SLC7A7: variants seen among roughly 807,000 people sequenced by gnomAD.
SLC7A7 encodes Y+L amino acid transporter 1.
SLC7A7 carries 39 observed loss-of-function variants against 47.9 expected under a neutral mutation model. That is an observed-to-expected ratio of 0.81 (90% CI 0.63 to 1.06). The LOEUF (loss-of-function observed/expected upper bound fraction) is 1.06, where lower values mean the gene tolerates loss of function less well. Among genes scored for constraint, SLC7A7 ranks in the 50% least tolerant of loss-of-function variants. The pLI, the probability that SLC7A7 is intolerant of heterozygous loss-of-function variation, is 0.00. For synonymous variants in SLC7A7, 234 were observed against 242.8 expected (o/e 0.96, Z 0.34); for missense variants, 588 against 632.0 (o/e 0.93, Z 0.75).
Position 22,773,501 on chromosome 14 carries a change from G to T in SLC7A7, c.*109C>A. On this transcript the variant is annotated 3_prime_UTR_variant, in exon 10 of 10. Coordinates refer to ENST00000674313, the MANE Select transcript of SLC7A7 (RefSeq NM_003982.4). ...TCAAAGGTTGAAGCTGCCTAGGCCA[G>T]GCTTCTGGACAGGTGCCTCCAAAGA... 1.1e-6 allele frequency: 1 copy of T among 903,992 alleles called. No homozygotes were observed. The highest frequency in any genetic ancestry group is 1.4e-5 in the South Asian group (1 of 72,982). 56.0% of individuals were successfully genotyped at this position (903,992 alleles called of 1,614,324 possible).
At chr14:22,806,165 A>T (rs1254642216) in intron 2 of SLC7A7, among the ~76,000 whole-genome samples, 1 of 136,674 alleles carries the variant, frequency 7.3e-6, no homozygotes, top group Admixed American at 7.4e-5. Flanking sequence ...GTAAACTGAC[A>T]TTATCATTCA....
chr14:22,795,438 CT>C lies in SLC7A7; in HGVS notation c.500-15388del, dbSNP rs1286168660. Among the ~76,000 whole-genome samples, 3 of 112,100 alleles carry C rather than the reference CT, an allele frequency of 2.7e-5. No homozygotes were observed. In the South Asian group the frequency reaches 1.0e-3, roughly 38 times the overall value. The allele number at this position is 112,100 out of a possible 152,430, so 73.5% of individuals were successfully genotyped here. ...TCTTTCTTTCTTTCTTTCTTTCTTT[CT>C]TTCTTTTCTATTCTTTTCTTTTCTT... is the stretch of plus-strand genomic sequence containing the variant. On this transcript the variant is annotated intron_variant, in intron 2 of 9. Coordinates refer to ENST00000674313, the MANE Select transcript of SLC7A7 (RefSeq NM_003982.4).
At chr14:22,785,333 C>T (rs1416082537) in intron 2 of SLC7A7, among the ~76,000 whole-genome samples, 1 of 152,142 alleles carries the variant, frequency 6.6e-6, no homozygotes, top group Admixed American at 6.6e-5. Flanking sequence ...AAGCCAACAG[C>T]GTCTTCCTCC....
At position 22,775,450 on chromosome 14, in the gene SLC7A7, G is replaced by A; in HGVS notation, c.1089C>T (p.Leu363=). 1.2e-6 allele frequency: 2 copies of A among 1,613,658 alleles called. No individual in the cohort carries two copies. The highest frequency in any genetic ancestry group is 1.7e-5 in the Admixed American group (1 of 60,010). The part of the protein sequence containing the change: ...VERFTPVPSL[L]FNGIMALIYL... ...CATCCTTGAGTTCACTTACATTGAA[G>A]AGCAGAGAAGGCACTGGTGTGAACC... Residue 363 remains leucine, a synonymous_variant, in exon 7 of 10, where the codon CTC becomes CTT. Transcript: ENST00000674313.
chr14:22,799,220 C>A (rs1348071896), intron 2 of SLC7A7, among the ~76,000 whole-genome samples: 1 of 152,148 alleles, frequency 6.6e-6, no homozygotes, highest in African/African-American at 2.4e-5. Context: ...AGATTGGACA[C>A]AGGTAGTCAT....
chr14:22,783,464 G>T (rs574072089), intron 2 of SLC7A7, among the ~76,000 whole-genome samples: 1 of 150,262 alleles, frequency 6.7e-6, no homozygotes, highest in Non-Finnish European at 1.5e-5. Context: ...ACAGTGGTGC[G>T]ATCTCAGCTC....
At chr14:22,813,522 A>G in intron 1 of SLC7A7, 82 bp from the exon 2 acceptor site, 1 of 1,256,994 alleles carries the variant, frequency 8.0e-7, no homozygotes. Flanking sequence ...ACAGGGTAAT[A>G]CGGGCAGCTC....
chr14:22,807,887 C>A (rs767587251), intron 2 of SLC7A7, among the ~76,000 whole-genome samples: 1 of 152,164 alleles, frequency 6.6e-6, no homozygotes, highest in Non-Finnish European at 1.5e-5. Context: ...TTAGGTCGGG[C>A]GTGGTAGCTC....
At chr14:22,784,264 C>T (rs183853801) in intron 2 of SLC7A7, among the ~76,000 whole-genome samples, 156 of 152,324 alleles carry the variant, frequency 1.0e-3, no homozygotes, top group Non-Finnish European at 1.6e-3. Context: ...ACCTTTGACC[C>T]TTGACTCGGT....
At chr14:22,791,513 T>C (rs935290924) in intron 2 of SLC7A7, among the ~76,000 whole-genome samples, 1 of 152,158 alleles carries the variant, frequency 6.6e-6, no homozygotes, top group African/African-American at 2.4e-5. Flanking sequence ...CTAGGCTTAA[T>C]TGGTGTGAGC....
chr14:22,790,980 G>A (rs980262718), intron 2 of SLC7A7, among the ~76,000 whole-genome samples: 1 of 143,144 alleles, frequency 7.0e-6, no homozygotes, highest in Admixed American at 7.5e-5. Flanking sequence ...CCTGGTGACA[G>A]AGCGAGACTC....
At chr14:22,782,669 C>T (rs1404690594) in intron 2 of SLC7A7, among the ~76,000 whole-genome samples, 2 of 151,688 alleles carry the variant, frequency 1.3e-5, no homozygotes, top group Non-Finnish European at 2.9e-5. Flanking sequence ...ACCATACTGG[C>T]CAGGCTAATC....
intron 2 of SLC7A7, among the ~76,000 whole-genome samples, chr14:22,780,933 G>T (rs1207530752): frequency 6.6e-6 from 1 of 152,072 alleles, no homozygotes; most frequent in Non-Finnish European, 1.5e-5. Flanking sequence ...ACTTGAATTT[G>T]AATTACTTGA....
intron 2 of SLC7A7, among the ~76,000 whole-genome samples, chr14:22,797,268 T>C (rs1003369619): frequency 7.9e-5 from 12 of 152,148 alleles, no homozygotes; most frequent in Non-Finnish European, 1.5e-4. Context: ...ACTGGGGCAG[T>C]CCACGAATTT....
chr14:22,773,608 G>T lies in SLC7A7; in HGVS notation c.*2C>A. On this transcript the variant is annotated 3_prime_UTR_variant, in exon 10 of 10. Transcript: ENST00000674313. Reference sequence around the variant, plus strand: ...TTTCCACATCAGGATTCCAGATGGTGTTTAGTTAGATTTGGGATCCCGTTG... The same window carrying T: ...TTTCCACATCAGGATTCCAGATGGTTTTTAGTTAGATTTGGGATCCCGTTG... 1 of 1,611,146 alleles carries T rather than the reference G, an allele frequency of 6.2e-7. No homozygotes were observed. The highest frequency in any genetic ancestry group is 8.5e-7 in the Non-Finnish European group (1 of 1,177,212).
intron 6 of SLC7A7, 119 bp downstream of exon 6, chr14:22,775,711 CAAG>C (rs1594944618): frequency 1.3e-5 from 12 of 943,294 alleles, no homozygotes; most frequent in Middle Eastern, 2.3e-4. Flanking sequence ...CTGCTAGAAA[CAAG>C]AAGAAAGAGG....
chr14:22,780,365 G>C, intron 2 of SLC7A7: 1 of 338,658 alleles, frequency 3.0e-6, no homozygotes, highest in Non-Finnish European at 5.7e-6. Flanking sequence ...AACTGTACAG[G>C]ATTAGTGATT....
intron 2 of SLC7A7, among the ~76,000 whole-genome samples, chr14:22,797,183 C>T (rs2039034323): frequency 6.6e-6 from 1 of 152,178 alleles, no homozygotes. Flanking sequence ...ACCTCCCTAA[C>T]TGTATGCAAG....
intron 2 of SLC7A7, among the ~76,000 whole-genome samples, 174 bp downstream of exon 2, chr14:22,812,726 C>T (rs1019348340): frequency 2.7e-5 from 4 of 145,498 alleles, no homozygotes; most frequent in Non-Finnish European, 3.0e-5. Context: ...AGTGTTTTTG[C>T]GATACACTGT....
Sources: gnomAD v4.1 joint callset for allele counts (sites outside exome capture counted in the v4.1 genomes callset) on GRCh38, gnomAD v4.1.1 for gene constraint, MANE v1.5 for transcripts, NCBI Gene and HGNC (gene_info 2026-07-23, HGNC 2026-07-21) for gene names.